Variants in ATP11B observed in about 807,000 individuals in gnomAD.
ATP11B encodes the protein phospholipid-transporting ATPase IF.
In ATP11B, 81 loss-of-function variants were observed where a neutral mutation model predicts 157.8. The observed-to-expected ratio is 0.51, with a 90% CI of 0.43 to 0.62. The LOEUF (loss-of-function observed/expected upper bound fraction) is 0.62, where lower values mean the gene tolerates loss of function less well. Among genes scored for constraint, ATP11B ranks in the 20% least tolerant of loss-of-function variants. The pLI is 0.00. For synonymous variants in ATP11B, 451 were observed against 469.4 expected (o/e 0.96, Z 0.51); for missense variants, 1,165 against 1,402.2 (o/e 0.83, Z 2.70).
At chr3:182,858,526 G>A (rs560953) in intron 11 of ATP11B, among the ~76,000 whole-genome samples, 107,616 of 151,452 alleles carry the variant, frequency 0.71, 38,662 homozygotes, top group Non-Finnish European at 0.77. Context: ...TGTTCTCCAG[G>A]TTTCACTTTA....
rs1288068974 is a variant in ATP11B, at chr3:182,829,555, A to T, written c.235-117A>T. ...CCCCACATAATAGCCAACAAAGTGAAGTTGTGAAATCGTGAACTAAAGTAT... is the reference window on the plus strand; with the variant it reads ...CCCCACATAATAGCCAACAAAGTGATGTTGTGAAATCGTGAACTAAAGTAT... On this transcript the variant is annotated intron_variant, in intron 3 of 29. Coordinates refer to ENST00000323116, the MANE Select transcript of ATP11B (RefSeq NM_014616.3). 4.2e-6 allele frequency: 3 copies of T among 716,616 alleles called. No homozygotes were observed. In the African/African-American group the frequency reaches 5.5e-5, roughly 13 times the overall value. 44.4% of individuals were successfully genotyped at this position (716,616 alleles called of 1,614,324 possible). A position where few individuals can be genotyped will look rare whatever the true frequency, so the allele number is the denominator to read the frequency against.
intron 12 of ATP11B, among the ~76,000 whole-genome samples, chr3:182,863,529 G>A (rs553390556): frequency 2.6e-5 from 4 of 151,860 alleles, no homozygotes; most frequent in Non-Finnish European, 4.4e-5. Context: ...GAAACTACAA[G>A]TATTTAATGT....
intron 1 of ATP11B, among the ~76,000 whole-genome samples, chr3:182,797,714 GAA>G (rs1312718192): frequency 9.4e-6 from 1 of 105,870 alleles, no homozygotes; most frequent in African/African-American, 5.3e-5. Context: ...TCTCAAAAAA[GAA>G]AAAAGAAAAA....
intron 7 of ATP11B, among the ~76,000 whole-genome samples, chr3:182,837,492 A>G (rs755123397): frequency 6.6e-6 from 1 of 152,056 alleles, no homozygotes; most frequent in Non-Finnish European, 1.5e-5. Flanking sequence ...TTAGAAGAAA[A>G]TAATGATTTT....
rs1437626621 is a variant in ATP11B, at chr3:182,920,983, AC to A, written c.*2881del. On this transcript the variant is annotated 3_prime_UTR_variant, in exon 30 of 30. Transcript: ENST00000323116. ...ACTTGCATTCTGCCCTACGGTTAGT[AC>A]CAGGACTGAGGTCATTTCTACTGGA... The A allele has an allele frequency of 2.0e-5, 3 of 152,236 alleles. No individual in the cohort carries two copies. Among genetic ancestry groups the A allele is most frequent in the African/African-American group, 7.2e-5 (3 of 41,444 alleles). The allele number at this position is 152,236 out of a possible 1,614,324, so 9.4% of individuals were successfully genotyped here. A position where few individuals can be genotyped will look rare whatever the true frequency, so the allele number is the denominator to read the frequency against.
chr3:182,879,684 C>T (rs1286451235), intron 20 of ATP11B, 35 bp downstream of exon 20: 2 of 1,556,912 alleles, frequency 1.3e-6, no homozygotes, highest in Non-Finnish European at 8.7e-7. Flanking sequence ...TCCCATAAAG[C>T]TATTTAGATA....
intron 25 of ATP11B, among the ~76,000 whole-genome samples, chr3:182,891,360 A>C (rs1014797515): frequency 2.6e-5 from 4 of 152,316 alleles, no homozygotes; most frequent in African/African-American, 9.6e-5. Flanking sequence ...AGTAGGAAAA[A>C]GTATAAAGAA....
intron 28 of ATP11B, among the ~76,000 whole-genome samples, chr3:182,908,946 C>A (rs1724576582): frequency 6.6e-6 from 1 of 152,124 alleles, no homozygotes; most frequent in Non-Finnish European, 1.5e-5. Context: ...GCAAGGTGCT[C>A]ACTTTGATTA....
At chr3:182,829,561 G>A in intron 3 of ATP11B, 111 bp from the exon 4 acceptor site, 1 of 757,810 alleles carries the variant, frequency 1.3e-6, no homozygotes, top group East Asian at 2.9e-5. Flanking sequence ...GTGAAGTTGT[G>A]AAATCGTGAA....
Position 182,820,255 on chromosome 3 carries a change from CT to C in ATP11B, c.28-3del. 1 of 1,598,660 alleles carries C rather than the reference CT, an allele frequency of 6.3e-7. No homozygotes were observed. Among genetic ancestry groups the C allele is most frequent in the African/African-American group, 1.3e-5 (1 of 74,676 alleles). ...TTTCTTTTTCTCTTGCTTGATTGGT[CT>C]TAGGGTTTTGACCCACCACATCAGA... On this transcript the variant is annotated splice_region_variant and splice_polypyrimidine_tract_variant and intron_variant, in intron 1 of 29. Transcript: ENST00000323116.
intron 28 of ATP11B, among the ~76,000 whole-genome samples, chr3:182,901,176 AAAT>A (rs1274422856): frequency 6.6e-6 from 1 of 151,776 alleles, no homozygotes; most frequent in Non-Finnish European, 1.5e-5. Context: ...CCATCTCAGA[AAAT>A]AATAATAAAT....
In ATP11B at chr3:182,919,404, TTGCAC is replaced by T. The variant is rs1393404588; in HGVS notation, c.*1302_*1306del. 6.6e-6 allele frequency: 1 copy of T among 152,636 alleles called. No homozygotes were observed. Among genetic ancestry groups the T allele is most frequent in the Non-Finnish European group, 1.5e-5 (1 of 68,024 alleles). The allele number at this position is 152,636 out of a possible 1,614,324, so 9.5% of individuals were successfully genotyped here. A position where few individuals can be genotyped will look rare whatever the true frequency, so the allele number is the denominator to read the frequency against. On this transcript the variant is annotated 3_prime_UTR_variant, in exon 30 of 30. Transcript: ENST00000323116. ...GGTACATGTTACTGTAATTAACTCA[TTGCAC>T]TTCAAAACCTAACTTCCATCCTGAA... is the stretch of plus-strand genomic sequence containing the variant.
chr3:182,865,648 C>G lies in ATP11B; in HGVS notation c.1393C>G (p.Leu465Val). ...SLSHLNNLSHLTTSSSFRTSP... is the reference protein window; with the variant it reads ...SLSHLNNLSHVTTSSSFRTSP... ...ATCCCATCTTAACAACTTATCCCAT[C>G]TTACAACCAGTTCCTCTTTCAGAAC... Residue 465 changes from leucine to valine, a missense_variant, in exon 13 of 30, where the codon CTT becomes GTT. Leu to Val is a conservative substitution (Grantham distance 32). Coordinates refer to ENST00000323116, the MANE Select transcript of ATP11B (RefSeq NM_014616.3). 3.1e-6 allele frequency: 5 copies of G among 1,613,568 alleles called. No homozygotes were observed. Among genetic ancestry groups the G allele is most frequent in the Non-Finnish European group, 4.2e-6 (5 of 1,179,630 alleles).
intron 11 of ATP11B, 98 bp from the exon 12 acceptor site, chr3:182,859,064 T>C (rs1335195037): frequency 2.3e-5 from 17 of 735,098 alleles, no homozygotes; most frequent in Non-Finnish European, 3.3e-5. Context: ...TAGTTGATGG[T>C]CTATGTAGGC....
chr3:182,888,554 T>C (rs889295867), intron 24 of ATP11B, among the ~76,000 whole-genome samples: 4 of 152,156 alleles, frequency 2.6e-5, no homozygotes, highest in African/African-American at 9.7e-5. Context: ...AGGATCTTGC[T>C]CTGTCACCCA....
At position 182,918,415 on chromosome 3, in the gene ATP11B, TAATATAA is replaced by T. The variant is rs1350258109; in HGVS notation, c.*313_*319del. 1.5e-5 allele frequency: 6 copies of T among 399,232 alleles called. No individual in the cohort carries two copies. In the East Asian group the frequency reaches 2.1e-4, roughly 14 times the overall value. The allele number at this position is 399,232 out of a possible 1,614,324, so 24.7% of individuals were successfully genotyped here. A position where few individuals can be genotyped will look rare whatever the true frequency, so the allele number is the denominator to read the frequency against. On this transcript the variant is annotated 3_prime_UTR_variant, in exon 30 of 30. Coordinates refer to ENST00000323116, the MANE Select transcript of ATP11B (RefSeq NM_014616.3). ...GTCTGTTGCTGAGGCCATTATATTT[TAATATAA>T]ATGTAGAAAAAAGAGAGAAATCTTA...
At chr3:182,836,257 A>G (rs1249475263) in intron 5 of ATP11B, 85 bp from the exon 6 acceptor site, 6 of 1,579,992 alleles carry the variant, frequency 3.8e-6, no homozygotes, top group African/African-American at 1.4e-5. Context: ...AAATACTGTG[A>G]TAGGCTGCTT....
intron 29 of ATP11B, chr3:182,917,182 A>C: frequency 1.0e-6 from 1 of 985,358 alleles, no homozygotes; most frequent in Non-Finnish European, 1.2e-6. Context: ...ATCTCTGTTT[A>C]GGGAAGGTGG....
At chr3:182,825,211 GTTC>G (rs1478013164) in intron 2 of ATP11B, among the ~76,000 whole-genome samples, 3 of 152,058 alleles carry the variant, frequency 2.0e-5, no homozygotes, top group Admixed American at 1.3e-4. Context: ...CCTGTTGAAT[GTTC>G]TTCTTTTAAA....
Sources: allele counts gnomAD v4.1 joint callset (sites outside exome capture counted in the v4.1 genomes callset), GRCh38; gene constraint gnomAD v4.1.1; transcripts MANE v1.5; gene names NCBI Gene and HGNC (gene_info 2026-07-23, HGNC 2026-07-21).